WDFY4: variants seen among roughly 807,000 people sequenced by gnomAD.
WDFY4 encodes the protein WDFY family member 4.
A neutral mutation model predicts 351.9 loss-of-function variants in WDFY4; 169 were observed. That is an observed-to-expected ratio of 0.48 (90% CI 0.42 to 0.55). WDFY4 has a LOEUF of 0.55. WDFY4 is among the 20% of genes least tolerant of loss of function. The probability of loss-of-function intolerance (pLI) is 0.00; values close to 1 mark genes in which losing one functional copy is unlikely to be tolerated. For synonymous variants in WDFY4, 1,622 were observed against 1,574.6 expected (o/e 1.03, Z -0.71); for missense variants, 3,803 against 3,935.6 (o/e 0.97, Z 0.90).
At chr10:48,804,157 G>A (rs1780216509) in intron 25 of WDFY4, among the ~76,000 whole-genome samples, 1 of 152,216 alleles carries the variant, frequency 6.6e-6, no homozygotes, top group South Asian at 2.1e-4. Context: ...GAATAAGAGA[G>A]AAGGAAGGCA....
chr10:48,907,245 A>G (rs1837662055), intron 47 of WDFY4, among the ~76,000 whole-genome samples: 1 of 152,198 alleles, frequency 6.6e-6, no homozygotes, highest in African/African-American at 2.4e-5. Context: ...CAAGGCTAGG[A>G]TGCCTATCTG....
At chr10:48,842,466 C>T (rs750002021) in intron 39 of WDFY4, among the ~76,000 whole-genome samples, 12 of 152,112 alleles carry the variant, frequency 7.9e-5, no homozygotes, top group East Asian at 5.8e-4. Flanking sequence ...AGCTGTGGTG[C>T]GGTCCGCGGC....
Position 48,731,255 on chromosome 10 carries a change from G to A in WDFY4, c.1275G>A (p.Trp425Ter). Residue 425 changes from tryptophan (W) to a stop codon, truncating the protein, a stop_gained, in exon 9 of 62, where the codon TGG (tryptophan) becomes TGA (stop). Transcript: ENST00000325239. LOFTEE classifies it high-confidence loss of function. ...WNARNFFLLE[W>*]TLQPISQFVE... ...CTCGAAACTTCTTCCTGCTGGAGTG[G>A]ACCCTGCAGCCCATCTCGCAGTTTG... 6.4e-7 allele frequency: 1 copy of A among 1,551,920 alleles called. No individual in the cohort carries two copies. The highest frequency in any genetic ancestry group is 8.7e-7 in the Non-Finnish European group (1 of 1,147,046).
At chr10:48,899,513 T>A (rs3849148) in intron 45 of WDFY4, among the ~76,000 whole-genome samples, 44,215 of 151,716 alleles carry the variant, frequency 0.29, 10,576 homozygotes, top group African/African-American at 0.66. Flanking sequence ...TACAGGTCTC[T>A]TCTCTCCCTA....
intron 39 of WDFY4, among the ~76,000 whole-genome samples, chr10:48,840,003 G>T (rs182142226): frequency 1.8e-4 from 28 of 152,310 alleles, no homozygotes; most frequent in African/African-American, 6.5e-4. Context: ...TCCCAGTCTG[G>T]CCTGAGAGCT....
chr10:48,946,943 T>C lies in WDFY4; in HGVS notation c.7951T>C (p.Phe2651Leu). ...CTCCTACCTGGTCCGGATGCCACCC[T>C]TCACCCAGGCCTTCTGCGCTCTGCA... ...VASYLVRMPPFTQAFCALQGG... is the reference protein window; with the variant it reads ...VASYLVRMPPLTQAFCALQGG... Residue 2651 changes from phenylalanine (F) to leucine (L), a missense_variant, in exon 51 of 62, where the codon TTC becomes CTC. Phe to Leu is a conservative substitution (Grantham distance 22). Around this residue, in one of 3 missense-constraint regions of WDFY4, gnomAD observed 3,054 missense variants for 3,148.6 expected, o/e 0.97. Coordinates refer to ENST00000325239, the MANE Select transcript of WDFY4 (RefSeq NM_001394531.1). The C allele has an allele frequency of 2.6e-6, 4 of 1,551,430 alleles. No individual in the cohort carries two copies. The highest frequency in any genetic ancestry group is 2.6e-6 in the Non-Finnish European group (3 of 1,146,996).
At chr10:48,811,783 C>T (rs2067456033) in intron 30 of WDFY4, 75 bp downstream of exon 30, 1 of 1,434,558 alleles carries the variant, frequency 7.0e-7, no homozygotes, top group African/African-American at 1.4e-5. Flanking sequence ...GTCGCCAAGA[C>T]CCTCTGCACT....
At chr10:48,849,460 A>G (rs2068886362) in intron 39 of WDFY4, among the ~76,000 whole-genome samples, 1 of 152,082 alleles carries the variant, frequency 6.6e-6, no homozygotes, top group Admixed American at 6.5e-5. Flanking sequence ...GACAAGACTT[A>G]CCCCCAAAAT....
chr10:48,694,971 C>T (rs79393874), intron 1 of WDFY4, among the ~76,000 whole-genome samples: 218 of 152,292 alleles, frequency 1.4e-3, no homozygotes, highest in African/African-American at 4.8e-3. Context: ...GCCCCCTGCT[C>T]CCCCTGAGCT....
chr10:48,839,657 A>G (rs887190543), intron 39 of WDFY4, among the ~76,000 whole-genome samples: 4 of 152,226 alleles, frequency 2.6e-5, no homozygotes, highest in African/African-American at 9.6e-5. Flanking sequence ...ACCACAGAAA[A>G]GACAAGGGAG....
intron 1 of WDFY4, among the ~76,000 whole-genome samples, chr10:48,705,218 G>T (rs1048496612): frequency 1.3e-5 from 2 of 152,226 alleles, no homozygotes; most frequent in African/African-American, 4.8e-5. Context: ...GGGATGGTTG[G>T]GAAGCACAGG....
chr10:48,850,234 A>G (rs2068912541), intron 39 of WDFY4, among the ~76,000 whole-genome samples: 1 of 152,228 alleles, frequency 6.6e-6, no homozygotes, highest in South Asian at 2.1e-4. Flanking sequence ...ACCACCCTCA[A>G]GGGGTGTGAG....
At position 48,867,361 on chromosome 10, in the gene WDFY4, G is replaced by C; in HGVS notation, c.6741+19G>C. The C allele has an allele frequency of 1.4e-6, 2 of 1,445,980 alleles. No homozygotes were observed. The highest frequency in any genetic ancestry group is 1.5e-5 in the South Asian group (1 of 68,164). The allele number at this position is 1,445,980 out of a possible 1,614,324, so 89.6% of individuals were successfully genotyped here. On this transcript the variant is annotated intron_variant, in intron 40 of 61. Coordinates refer to ENST00000325239, the MANE Select transcript of WDFY4 (RefSeq NM_001394531.1). Reference sequence around the variant, plus strand: ...TGTGCAAGTAAGAAACAAAACATAGGCTTTCTCTATACAGCAAGCTGGAAT... The same window carrying C: ...TGTGCAAGTAAGAAACAAAACATAGCCTTTCTCTATACAGCAAGCTGGAAT...
At chr10:48,782,645 A>G (rs1021382918) in intron 19 of WDFY4, among the ~76,000 whole-genome samples, 9 of 152,228 alleles carry the variant, frequency 5.9e-5, no homozygotes, top group African/African-American at 1.9e-4. Context: ...GATAAACATA[A>G]AGGCCTGTGT....
chr10:48,715,808 C>CTTTTT (rs11101438), intron 2 of WDFY4, among the ~76,000 whole-genome samples: 1 of 141,304 alleles, frequency 7.1e-6, no homozygotes, highest in African/African-American at 2.6e-5. Flanking sequence ...CTTTTCTTTT[C>CTTTTT]TTTTTTTTTT....
At chr10:48,821,711 T>C (rs984322086) in intron 34 of WDFY4, among the ~76,000 whole-genome samples, 2 of 152,236 alleles carry the variant, frequency 1.3e-5, no homozygotes, top group African/African-American at 4.8e-5. Flanking sequence ...CAGGAATCCC[T>C]AGGAACATGA....
At chr10:48,809,477 A>T (rs1343785286) in intron 28 of WDFY4, among the ~76,000 whole-genome samples, 1 of 151,974 alleles carries the variant, frequency 6.6e-6, no homozygotes, top group Non-Finnish European at 1.5e-5. Context: ...CAGCATCACC[A>T]TCACCACCAT....
In WDFY4 at chr10:48,826,828, A is replaced by T; in HGVS notation, c.6140A>T (p.Asp2047Val). Reference protein sequence around the residue: ...SILGFLQEHWDVVFATYNSNI... With the variant: ...SILGFLQEHWVVVFATYNSNI... The stretch of plus-strand genomic sequence containing the variant: ...CTGGGCTTTCTGCAGGAGCACTGGG[A>T]TGTTGTCTTTGCCACCTACAATTCC... Residue 2047 changes from aspartate (D) to valine (V), a missense_variant, in exon 36 of 62, where the codon GAT becomes GTT. Physicochemically the swap from Asp to Val is radical, Grantham distance 152. Transcript: ENST00000325239. The T allele has an allele frequency of 1.3e-6, 2 of 1,551,870 alleles. No individual in the cohort carries two copies. The highest frequency in any genetic ancestry group is 1.7e-6 in the Non-Finnish European group (2 of 1,147,028).
At chr10:48,885,686 A>T (rs2070423877) in intron 43 of WDFY4, among the ~76,000 whole-genome samples, 1 of 152,152 alleles carries the variant, frequency 6.6e-6, no homozygotes, top group African/African-American at 2.4e-5. Context: ...ATGTGTATAT[A>T]TGTAAAATAT....
Sources: gnomAD v4.1 joint callset for allele counts (sites outside exome capture counted in the v4.1 genomes callset) on GRCh38, gnomAD v4.1.1 for gene constraint, gnomAD v4.1.1 regional missense constraint, MANE v1.5 for transcripts, NCBI Gene and HGNC (gene_info 2026-07-23, HGNC 2026-07-21) for gene names.